The following PRKG1 variants were observed in gnomAD, a reference collection of about 807,000 sequenced individuals.
PRKG1 encodes cGMP-dependent protein kinase 1.
A neutral mutation model predicts 88.1 loss-of-function variants in PRKG1; 35 were observed. The observed-to-expected ratio is 0.40, with a 90% CI of 0.30 to 0.53. The LOEUF is 0.53. PRKG1 is among the 20% of genes least tolerant of loss of function. The pLI, the probability that PRKG1 is intolerant of heterozygous loss-of-function variation, is 0.59. For synonymous variants in PRKG1, 303 were observed against 292.5 expected (o/e 1.04, Z -0.37); for missense variants, 540 against 839.8 (o/e 0.64, Z 4.41).
At chr10:51,290,255 A>T (rs1467264992) in intron 2 of PRKG1, among the ~76,000 whole-genome samples, 1 of 152,126 alleles carries the variant, frequency 6.6e-6, no homozygotes, top group Non-Finnish European at 1.5e-5. Flanking sequence ...ACAAACAAAA[A>T]AAAAGACGAG....
At chr10:52,080,330 A>T (rs888115069) in intron 7 of PRKG1, among the ~76,000 whole-genome samples, 3 of 152,098 alleles carry the variant, frequency 2.0e-5, no homozygotes, top group Non-Finnish European at 4.4e-5. Flanking sequence ...ACCAAAAGTG[A>T]TCCTTATCCA....
intron 9 of PRKG1, among the ~76,000 whole-genome samples, chr10:52,183,217 C>A (rs969803997): frequency 1.3e-5 from 2 of 152,188 alleles, no homozygotes; most frequent in African/African-American, 4.8e-5. Context: ...ACATCCAGAC[C>A]ATATCCTGTA....
intron 2 of PRKG1, among the ~76,000 whole-genome samples, chr10:51,414,228 C>T (rs565415044): frequency 6.6e-5 from 10 of 152,274 alleles, no homozygotes; most frequent in African/African-American, 2.4e-4. Flanking sequence ...CTCCAACAAA[C>T]AGCAGGAACA....
chr10:51,793,879 A>G (rs1473072281), intron 3 of PRKG1, among the ~76,000 whole-genome samples: 1 of 152,086 alleles, frequency 6.6e-6, no homozygotes, highest in Non-Finnish European at 1.5e-5. Flanking sequence ...CTCCTGCCTC[A>G]GCCTCCCAAG....
chr10:52,250,945 T>C (rs1418129642), intron 9 of PRKG1, among the ~76,000 whole-genome samples: 1 of 152,026 alleles, frequency 6.6e-6, no homozygotes, highest in Non-Finnish European at 1.5e-5. Flanking sequence ...TACAAGTCAG[T>C]GGGTACACAA....
intron 5 of PRKG1, among the ~76,000 whole-genome samples, chr10:52,031,218 T>G (rs1260528990): frequency 6.6e-6 from 1 of 152,210 alleles, no homozygotes; most frequent in Non-Finnish European, 1.5e-5. Flanking sequence ...TGAAAATAAT[T>G]AGTTTCCAAT....
intron 3 of PRKG1, among the ~76,000 whole-genome samples, chr10:51,583,800 A>G (rs1838104010): frequency 6.6e-6 from 1 of 152,136 alleles, no homozygotes; most frequent in African/African-American, 2.4e-5. Flanking sequence ...ATAATGGAGC[A>G]GAGACAAAGT....
At chr10:51,186,463 C>T (rs1024357720) in intron 2 of PRKG1, among the ~76,000 whole-genome samples, 6 of 151,782 alleles carry the variant, frequency 4.0e-5, no homozygotes, top group African/African-American at 1.5e-4. Flanking sequence ...CTGACTTCTA[C>T]CAGATCACAT....
At chr10:51,231,265 A>C (rs1405368829) in intron 2 of PRKG1, among the ~76,000 whole-genome samples, 1 of 152,184 alleles carries the variant, frequency 6.6e-6, no homozygotes, top group African/African-American at 2.4e-5. Context: ...TAAAACTCGG[A>C]AACATTACTG....
intron 7 of PRKG1, among the ~76,000 whole-genome samples, chr10:52,096,041 G>C (rs970620527): frequency 2.6e-5 from 4 of 152,126 alleles, no homozygotes; most frequent in Admixed American, 1.3e-4. Flanking sequence ...CAAGGAGTCT[G>C]GGGGAGAGCA....
intron 2 of PRKG1, among the ~76,000 whole-genome samples, chr10:51,175,483 A>G (rs1219526758): frequency 1.3e-5 from 2 of 152,046 alleles, no homozygotes; most frequent in East Asian, 1.9e-4. Context: ...TTTCAATTAT[A>G]AGATTATCAA....
intron 7 of PRKG1, among the ~76,000 whole-genome samples, chr10:52,106,917 C>T (rs535060203): frequency 1.3e-5 from 2 of 152,184 alleles, no homozygotes; most frequent in East Asian, 1.9e-4. Flanking sequence ...TTCTAAAGCA[C>T]CCTTCAGCTA....
At chr10:51,073,412 G>A (rs147615854), upstream of PRKG1, among the ~76,000 whole-genome samples, 524 of 152,280 alleles carry the variant, frequency 3.4e-3, 2 homozygotes, top group Middle Eastern at 0.017. Context: ...TGTGAGGAAA[G>A]TAATATTTTT....
chr10:51,002,589 G>A (rs993232764), intron 1 of PRKG1, among the ~76,000 whole-genome samples: 1 of 152,232 alleles, frequency 6.6e-6, no homozygotes. Context: ...CTAATGGGCT[G>A]TACATTTTTG....
At chr10:51,245,918 A>G (rs1467011063) in intron 2 of PRKG1, 1 of 152,152 alleles carries the variant, frequency 6.6e-6, no homozygotes, top group Non-Finnish European at 1.5e-5. Context: ...AATGAAGAGC[A>G]AAAGCTAGGA....
chr10:51,987,471 T>C (rs1007246122), intron 5 of PRKG1, among the ~76,000 whole-genome samples: 1 of 151,638 alleles, frequency 6.6e-6, no homozygotes, highest in African/African-American at 2.4e-5. Context: ...TTTTTTTTTT[T>C]TTTCTGAAAC....
chr10:51,110,540 A>G (rs1236887031), intron 1 of PRKG1, among the ~76,000 whole-genome samples: 1 of 152,102 alleles, frequency 6.6e-6, no homozygotes, highest in Non-Finnish European at 1.5e-5. Context: ...GGAGAGAGGA[A>G]TGAGTGGAAG....
chr10:51,200,403 A>T (rs1377125949), intron 2 of PRKG1, among the ~76,000 whole-genome samples: 1 of 152,248 alleles, frequency 6.6e-6, no homozygotes, highest in African/African-American at 2.4e-5. Flanking sequence ...GACAGGAGGC[A>T]GATTATGAAG....
At chr10:51,764,178 C>T (rs1838096456) in intron 3 of PRKG1, among the ~76,000 whole-genome samples, 1 of 152,064 alleles carries the variant, frequency 6.6e-6, no homozygotes, top group Non-Finnish European at 1.5e-5. Flanking sequence ...CAGGAAAAGC[C>T]CACTCCTATA....
Sources: allele counts gnomAD v4.1 joint callset (sites outside exome capture counted in the v4.1 genomes callset), GRCh38; gene constraint gnomAD v4.1.1; transcripts MANE v1.5; gene names NCBI Gene and HGNC (gene_info 2026-07-23, HGNC 2026-07-21).